The following PTK2 variants were observed in gnomAD, a reference collection of about 807,000 sequenced individuals.
The protein encoded by PTK2 is focal adhesion kinase 1.
A neutral mutation model predicts 150.1 loss-of-function variants in PTK2; 45 were observed. That is an observed-to-expected ratio of 0.30 (90% CI 0.24 to 0.38). The LOEUF is 0.38. PTK2 is among the 10% of genes least tolerant of loss of function. The probability of loss-of-function intolerance (pLI) is 1.00; values close to 1 mark genes in which losing one functional copy is unlikely to be tolerated. For missense variants in PTK2, 919 were observed against 1,307.3 expected (o/e 0.70, Z 4.58); for synonymous variants, 432 against 449.2 (o/e 0.96, Z 0.48).
At chr8:140,734,557 ACATGCTTC>A (rs2100051452) in intron 22 of PTK2, 3 of 353,980 alleles carry the variant, frequency 8.5e-6, no homozygotes, top group Non-Finnish European at 1.7e-5. Context: ...TAGAGTATGC[ACATGCTTC>A]TCTGAGGGAT....
At chr8:140,701,948 G>GA (rs1404348309) in intron 25 of PTK2, among the ~76,000 whole-genome samples, 1 of 151,552 alleles carries the variant, frequency 6.6e-6, no homozygotes, top group Non-Finnish European at 1.5e-5. Context: ...CCAACATGGT[G>GA]AAACTCTGTC....
chr8:140,772,555 G>C (rs773443641), intron 14 of PTK2, among the ~76,000 whole-genome samples: 2 of 152,156 alleles, frequency 1.3e-5, no homozygotes, highest in Non-Finnish European at 2.9e-5. Context: ...TTTAGACTGC[G>C]GATAAGAGCA....
chr8:140,774,672 G>A (rs2154562205), intron 14 of PTK2, among the ~76,000 whole-genome samples: 1 of 152,322 alleles, frequency 6.6e-6, no homozygotes, highest in South Asian at 2.1e-4. Flanking sequence ...GAAGATACAA[G>A]TCATAATAAA....
chr8:140,973,934 T>C (rs567767542), intron 1 of PTK2, among the ~76,000 whole-genome samples: 3 of 152,324 alleles, frequency 2.0e-5, no homozygotes, highest in Middle Eastern at 3.4e-3. Flanking sequence ...TTGCCTTTAA[T>C]AGAAGTCACA....
At chr8:140,686,043 A>G (rs1413499484) in intron 27 of PTK2, among the ~76,000 whole-genome samples, 2 of 152,266 alleles carry the variant, frequency 1.3e-5, no homozygotes, top group African/African-American at 4.8e-5. Flanking sequence ...ACTATGGAAT[A>G]CTATGTAGCC....
chr8:140,934,556 T>C (rs2100172983), intron 1 of PTK2: 1 of 152,252 alleles, frequency 6.6e-6, no homozygotes, highest in Non-Finnish European at 1.5e-5. Flanking sequence ...TCTTAAAATT[T>C]ACGTCACGCC....
At chr8:140,847,469 C>CAAT (rs2100126273) in intron 5 of PTK2, among the ~76,000 whole-genome samples, 2 of 152,232 alleles carry the variant, frequency 1.3e-5, no homozygotes, top group South Asian at 4.2e-4. Context: ...GAAATGTGTA[C>CAAT]AATTTCCTTG....
chr8:140,658,029 T>C, exon 32 of PTK2: 1 of 152,178 alleles, frequency 6.6e-6, no homozygotes, highest in East Asian at 1.9e-4. Flanking sequence ...ACAGAGATTC[T>C]AGCAAGACTA....
chr8:140,827,516 A>G (rs140666526), intron 8 of PTK2, among the ~76,000 whole-genome samples: 1 of 152,246 alleles, frequency 6.6e-6, no homozygotes, highest in African/African-American at 2.4e-5. Context: ...TACCTGCACA[A>G]ATTTCCTGCA....
chr8:140,964,816 T>C (rs2100184678), intron 1 of PTK2, among the ~76,000 whole-genome samples: 1 of 152,196 alleles, frequency 6.6e-6, no homozygotes, highest in East Asian at 1.9e-4. Flanking sequence ...TATACATTCC[T>C]GGCATCATTC....
intron 3 of PTK2, among the ~76,000 whole-genome samples, chr8:140,889,536 C>T (rs1223896062): frequency 6.6e-6 from 1 of 151,588 alleles, no homozygotes; most frequent in East Asian, 1.9e-4. Flanking sequence ...ACCTGTTGGC[C>T]TTAAATCTAA....
At chr8:140,992,955 T>A (rs1397380) in intron 1 of PTK2, among the ~76,000 whole-genome samples, 23 of 151,966 alleles carry the variant, frequency 1.5e-4, no homozygotes, top group Non-Finnish European at 3.4e-4. Context: ...AGCATCCAAT[T>A]AATCCAGTTG....
intron 12 of PTK2, among the ~76,000 whole-genome samples, chr8:140,793,746 T>C (rs1453622625): frequency 2.0e-5 from 3 of 152,174 alleles, no homozygotes; most frequent in African/African-American, 7.2e-5. Context: ...AACTACTCAC[T>C]AGTAACAACA....
chr8:140,724,454 C>CT (rs972984354), intron 22 of PTK2, among the ~76,000 whole-genome samples: 5 of 152,088 alleles, frequency 3.3e-5, no homozygotes, highest in Non-Finnish European at 7.4e-5. Context: ...GTAATAAATA[C>CT]TTTTTGCTTT....
chr8:140,707,372 C>A (rs76451724), intron 23 of PTK2, among the ~76,000 whole-genome samples: 1 of 152,110 alleles, frequency 6.6e-6, no homozygotes, highest in Admixed American at 6.5e-5. Context: ...CTGGTTGTGG[C>A]GATGGTTGCA....
At chr8:140,935,002 C>A (rs2100173131) in intron 1 of PTK2, among the ~76,000 whole-genome samples, 1 of 152,160 alleles carries the variant, frequency 6.6e-6, no homozygotes, top group Non-Finnish European at 1.5e-5. Flanking sequence ...GCAATTACAA[C>A]ATTAACAAGT....
intron 7 of PTK2, among the ~76,000 whole-genome samples, chr8:140,832,566 C>T (rs1482394839): frequency 6.6e-6 from 1 of 152,162 alleles, no homozygotes; most frequent in African/African-American, 2.4e-5. Flanking sequence ...GTCTGGACAG[C>T]TTCTGGTCCA....
At chr8:140,950,815 A>G (rs970877867) in intron 1 of PTK2, among the ~76,000 whole-genome samples, 2 of 152,200 alleles carry the variant, frequency 1.3e-5, no homozygotes, top group Non-Finnish European at 2.9e-5. Context: ...GGTTAACTGT[A>G]TATGAGAGGA....
At chr8:140,755,769 A>G (rs371652464) in intron 16 of PTK2, among the ~76,000 whole-genome samples, 2 of 152,340 alleles carry the variant, frequency 1.3e-5, no homozygotes, top group Admixed American at 6.5e-5. Flanking sequence ...AAATGATTAC[A>G]AAATTGCTCA....
Sources: allele counts gnomAD v4.1 joint callset (sites outside exome capture counted in the v4.1 genomes callset), GRCh38; gene constraint gnomAD v4.1.1; transcripts MANE v1.5; gene names NCBI Gene and HGNC (gene_info 2026-07-23, HGNC 2026-07-21).